The following SAMD4A variants were observed in gnomAD, a reference collection of about 807,000 sequenced individuals.
SAMD4A encodes the protein sterile alpha motif domain containing 4A, also known as protein Smaug homolog 1.
A neutral mutation model predicts 81.3 loss-of-function variants in SAMD4A; 33 were observed. The observed-to-expected ratio is 0.41, with a 90% CI of 0.31 to 0.54. The LOEUF is 0.54. Among genes scored for constraint, SAMD4A ranks in the 20% least tolerant of loss-of-function variants. The pLI is 0.37. For synonymous variants in SAMD4A, 389 were observed against 382.1 expected (o/e 1.02, Z -0.21); for missense variants, 854 against 951.1 (o/e 0.90, Z 1.34).
At chr14:54,715,627 G>A (rs1394072426) in intron 3 of SAMD4A, among the ~76,000 whole-genome samples, 1 of 152,100 alleles carries the variant, frequency 6.6e-6, no homozygotes, top group Non-Finnish European at 1.5e-5. Context: ...GCTCTTTGAA[G>A]TAAGCACCAT....
At chr14:54,602,282 A>C (rs2034072738) in intron 2 of SAMD4A, among the ~76,000 whole-genome samples, 1 of 151,566 alleles carries the variant, frequency 6.6e-6, no homozygotes, top group Non-Finnish European at 1.5e-5. Flanking sequence ...TTTTCAACCC[A>C]GAATAATGCA....
intron 2 of SAMD4A, among the ~76,000 whole-genome samples, chr14:54,630,525 C>G (rs1424774699): frequency 1.3e-5 from 2 of 152,164 alleles, no homozygotes; most frequent in African/African-American, 4.8e-5. Flanking sequence ...TTTTTAAAAT[C>G]AGATTGTATT....
At chr14:54,775,261 C>T (rs575822250) in intron 10 of SAMD4A, 126 bp downstream of exon 10, 6 of 998,518 alleles carry the variant, frequency 6.0e-6, no homozygotes, top group Admixed American at 2.0e-5. Flanking sequence ...CAGTTGCCAC[C>T]ATTCCTCAGA....
intron 2 of SAMD4A, among the ~76,000 whole-genome samples, chr14:54,697,319 A>G (rs995485703): frequency 9.9e-5 from 15 of 152,194 alleles, no homozygotes; most frequent in African/African-American, 3.4e-4. Flanking sequence ...GAGAGACCAG[A>G]CGTACTCCAA....
intron 3 of SAMD4A, among the ~76,000 whole-genome samples, chr14:54,717,884 GT>G (rs59380334): frequency 0.012 from 1,578 of 131,136 alleles, 12 homozygotes; most frequent in African/African-American, 0.034. Flanking sequence ...TTGCTTGAAG[GT>G]TTTTTTTTTT....
intron 2 of SAMD4A, among the ~76,000 whole-genome samples, chr14:54,638,455 A>C (rs2035089329): frequency 6.6e-6 from 1 of 152,226 alleles, no homozygotes; most frequent in Non-Finnish European, 1.5e-5. Context: ...TGATGGATAT[A>C]GTAAACTTTT....
chr14:54,598,746 A>G (rs2140213737), intron 2 of SAMD4A, among the ~76,000 whole-genome samples: 1 of 152,328 alleles, frequency 6.6e-6, no homozygotes, highest in South Asian at 2.1e-4. Flanking sequence ...ACAATCTGTT[A>G]TTTAGTGGTA....
At chr14:54,701,026 C>G (rs2036702994) in intron 2 of SAMD4A, 1 of 137,434 alleles carries the variant, frequency 7.3e-6, no homozygotes, top group African/African-American at 2.7e-5. Flanking sequence ...GAGACCAGGT[C>G]TCCTCTGTCA....
chr14:54,719,015 A>G (rs927639307), intron 3 of SAMD4A, among the ~76,000 whole-genome samples: 9 of 151,292 alleles, frequency 5.9e-5, no homozygotes, highest in African/African-American at 2.0e-4. Context: ...AAAAAAAAAA[A>G]GAAAAAAAAG....
chr14:54,679,877 C>T, intron 2 of SAMD4A, among the ~76,000 whole-genome samples: 1 of 152,186 alleles, frequency 6.6e-6, no homozygotes, highest in East Asian at 1.9e-4. Context: ...TACAGTAATA[C>T]TTCTGTTTGA....
Position 54,787,979 on chromosome 14 carries a change from G to A in SAMD4A, c.2129-937G>A, listed in dbSNP as rs535701909. Reference sequence around the variant, plus strand: ...GTAAGCAGACAGCCAAAAAGGGGCCGGGCAGGCCTCACACCTCTGATGGTC... The same window carrying A: ...GTAAGCAGACAGCCAAAAAGGGGCCAGGCAGGCCTCACACCTCTGATGGTC... On this transcript the variant is annotated intron_variant, in intron 12 of 12. Coordinates refer to ENST00000554335, the MANE Select transcript of SAMD4A (RefSeq NM_015589.6). Among the ~76,000 whole-genome samples, 73 of 152,234 alleles carry A rather than the reference G, an allele frequency of 4.8e-4. No homozygotes were observed. The South Asian group carries it at 0.013, about 26-fold the overall frequency.
In SAMD4A at chr14:54,791,613, TG is replaced by T. The variant is rs775387422; in HGVS notation, c.*2670del. 13 of 152,346 alleles carry T rather than the reference TG, an allele frequency of 8.5e-5. No individual in the cohort carries two copies. The highest frequency in any genetic ancestry group is 1.8e-4 in the Non-Finnish European group (12 of 68,040). The allele number at this position is 152,346 out of a possible 1,614,324, so 9.4% of individuals were successfully genotyped here. ...AGAAAAGCTTATTTTTCATTGACAG[TG>T]TATAGATTTATCTACTTAGTTGTGT... is the stretch of plus-strand genomic sequence containing the variant. On this transcript the variant is annotated 3_prime_UTR_variant, in exon 13 of 13. Transcript: ENST00000554335.
intron 2 of SAMD4A, among the ~76,000 whole-genome samples, chr14:54,588,802 A>G (rs1311737471): frequency 2.0e-5 from 3 of 152,060 alleles, no homozygotes; most frequent in Non-Finnish European, 4.4e-5. Context: ...TGTCATATAT[A>G]TGGATTTCCC....
In SAMD4A at chr14:54,768,219, C is replaced by T. The variant is rs115493915; in HGVS notation, c.1597-1885C>T. Among the ~76,000 whole-genome samples, 271 of 152,212 alleles carry T rather than the reference C, an allele frequency of 1.8e-3. 1 individual carries two copies. The highest frequency in any genetic ancestry group is 5.3e-3 in the African/African-American group (219 of 41,508). On this transcript the variant is annotated intron_variant, in intron 8 of 12. Coordinates refer to ENST00000554335, the MANE Select transcript of SAMD4A (RefSeq NM_015589.6). Reference sequence around the variant, plus strand: ...TCAAGGTCATGTTGAATACTTAACGCGATGAACAGCCGTATACCACCACCA... The same window carrying T: ...TCAAGGTCATGTTGAATACTTAACGTGATGAACAGCCGTATACCACCACCA...
intron 2 of SAMD4A, among the ~76,000 whole-genome samples, chr14:54,625,444 A>G (rs541496764): frequency 1.1e-3 from 161 of 152,350 alleles, no homozygotes; most frequent in African/African-American, 3.5e-3. Context: ...GAGCTGCCCG[A>G]AAGTTCAGCA....
chr14:54,740,691 T>A, intron 4 of SAMD4A, among the ~76,000 whole-genome samples: 1 of 152,188 alleles, frequency 6.6e-6, no homozygotes, highest in East Asian at 1.9e-4. Flanking sequence ...TCTTGCTCTT[T>A]GCGTTTTTCC....
intron 2 of SAMD4A, among the ~76,000 whole-genome samples, chr14:54,697,981 C>CA (rs1370599864): frequency 1.3e-5 from 2 of 152,188 alleles, no homozygotes; most frequent in African/African-American, 4.8e-5. Flanking sequence ...TACTCGGAGA[C>CA]AGCAAGGGGA....
intron 2 of SAMD4A, among the ~76,000 whole-genome samples, chr14:54,618,689 G>A (rs549624643): frequency 2.0e-5 from 3 of 152,274 alleles, no homozygotes; most frequent in Non-Finnish European, 2.9e-5. Flanking sequence ...AAGTTACTAA[G>A]GTGTATTTCC....
intron 3 of SAMD4A, among the ~76,000 whole-genome samples, chr14:54,715,969 G>A (rs556867104): frequency 6.6e-6 from 1 of 152,156 alleles, no homozygotes; most frequent in African/African-American, 2.4e-5. Flanking sequence ...AAAAATCAGA[G>A]GATCACCAAG....
Sources: allele counts gnomAD v4.1 joint callset (sites outside exome capture counted in the v4.1 genomes callset), GRCh38; gene constraint gnomAD v4.1.1; transcripts MANE v1.5; gene names NCBI Gene and HGNC (gene_info 2026-07-23, HGNC 2026-07-21).